Variants in PCDHA13 observed in about 807,000 individuals in gnomAD.
PCDHA13 encodes protocadherin alpha 13.
Under a neutral mutation model 64.8 loss-of-function variants are expected in PCDHA13, and 54 were observed. The ratio of observed to expected loss-of-function variants is 0.83; its 90% CI spans 0.67 to 1.04. PCDHA13 has a LOEUF of 1.04. PCDHA13 is among the 50% of genes least tolerant of loss of function. The pLI, the probability that PCDHA13 is intolerant of heterozygous loss-of-function variation, is 0.00. For synonymous variants in PCDHA13, 587 were observed against 564.4 expected, an observed-to-expected ratio of 1.04 and a Z score of -0.57; for missense variants, 1,248 against 1,254.3, an observed-to-expected ratio of 0.99 and a Z score of 0.08.
At chr5:140,941,409 C>G (rs1284702446) in intron 1 of PCDHA13, among the ~76,000 whole-genome samples, 1 of 149,924 alleles carries the variant, frequency 6.7e-6, no homozygotes, top group Non-Finnish European at 1.5e-5. Flanking sequence ...CTCCGCCTCC[C>G]GGGTTCAAGC....
At chr5:140,991,247 T>C (rs1211585397) in intron 3 of PCDHA13, among the ~76,000 whole-genome samples, 1 of 152,200 alleles carries the variant, frequency 6.6e-6, no homozygotes, top group Non-Finnish European at 1.5e-5. Flanking sequence ...AAAGGCAGTA[T>C]TTGAACTCAT....
At chr5:140,982,688 A>ATACATACATGATTTCCT in intron 3 of PCDHA13, 125 bp downstream of exon 3, 1 of 1,415,764 alleles carries the variant, frequency 7.1e-7, no homozygotes, top group Non-Finnish European at 9.3e-7. Flanking sequence ...CCTTTTTTCC[A>ATACATACATGATTTCCT]TACATACATG....
intron 3 of PCDHA13, among the ~76,000 whole-genome samples, chr5:141,004,659 G>C (rs1012907350): frequency 1.3e-5 from 2 of 152,182 alleles, no homozygotes; most frequent in Admixed American, 1.3e-4. Context: ...GGCTCTGAGG[G>C]CAACTAAAGG....
chr5:140,927,105 CAGCGG>C, intron 1 of PCDHA13: 1 of 1,613,778 alleles, frequency 6.2e-7, no homozygotes, highest in Non-Finnish European at 8.5e-7. Flanking sequence ...TGGATCTACC[CAGCGG>C]CAATTTGGTG....
At chr5:140,915,083 C>G (rs2076973100) in intron 1 of PCDHA13, among the ~76,000 whole-genome samples, 1 of 151,628 alleles carries the variant, frequency 6.6e-6, no homozygotes, top group African/African-American at 2.4e-5. Flanking sequence ...GTAGCTGGGA[C>G]TATGGGCACG....
intron 1 of PCDHA13, among the ~76,000 whole-genome samples, chr5:140,920,841 T>TAAAAAAAAA (rs781921146): frequency 9.2e-6 from 1 of 109,226 alleles, no homozygotes; most frequent in Non-Finnish European, 1.9e-5. Context: ...AGACCAAATC[T>TAAAAAAAAA]AAAAAAAAAA....
intron 1 of PCDHA13, chr5:140,929,130 A>C (rs1554206719): frequency 1.2e-6 from 2 of 1,614,168 alleles, no homozygotes; most frequent in Non-Finnish European, 1.7e-6. Flanking sequence ...ATGTCACTAC[A>C]GTTGAGAGAC....
intron 1 of PCDHA13, among the ~76,000 whole-genome samples, chr5:140,900,355 G>A (rs555553636): frequency 1.4e-4 from 21 of 152,070 alleles, no homozygotes; most frequent in East Asian, 3.9e-4. Flanking sequence ...TTGGCTCACC[G>A]CAACCTCTGC....
At chr5:140,960,265 T>A (rs1380537220) in intron 1 of PCDHA13, among the ~76,000 whole-genome samples, 2 of 152,174 alleles carry the variant, frequency 1.3e-5, no homozygotes, top group African/African-American at 4.8e-5. Context: ...TTCTGATAAA[T>A]TCCGTCACCT....
intron 1 of PCDHA13, among the ~76,000 whole-genome samples, chr5:140,899,914 C>A (rs1408569942): frequency 2.0e-5 from 3 of 151,952 alleles, no homozygotes; most frequent in Admixed American, 6.6e-5. Flanking sequence ...CTCAAGCAAT[C>A]CTCCTGCCTC....
intron 1 of PCDHA13, among the ~76,000 whole-genome samples, chr5:140,898,521 AGGG>A (rs1583310812): frequency 6.6e-6 from 1 of 152,252 alleles, no homozygotes; most frequent in East Asian, 1.9e-4. Context: ...GTTATTTCTG[AGGG>A]CTCTGTTCTG....
intron 3 of PCDHA13, among the ~76,000 whole-genome samples, chr5:141,003,476 C>G (rs555987176): frequency 1.3e-3 from 191 of 152,130 alleles, no homozygotes; most frequent in African/African-American, 4.3e-3. Context: ...CACAGTCTCG[C>G]TAATTTTTAT....
In PCDHA13 at chr5:140,882,887, G is replaced by A. The variant is rs781927732; in HGVS notation, c.619G>A (p.Glu207Lys). 2.7e-5 allele frequency: 43 copies of A among 1,614,050 alleles called. No individual in the cohort carries two copies. Among genetic ancestry groups the A allele is most frequent in the Non-Finnish European group, 3.6e-5 (42 of 1,180,048 alleles). ...RKTLDREEIQ[E>K]HSLLLTASDG... is the part of the protein sequence containing the mutation. ...AACACTGGACAGAGAGGAAATTCAG[G>A]AACATAGTTTATTACTGACAGCCAG... Residue 207 changes from glutamate (E) to lysine (K), a missense_variant, in exon 1 of 4, where the codon GAA (glutamate) becomes AAA (lysine). Physicochemically the swap from Glu to Lys is moderately conservative, Grantham distance 56 (BLOSUM62 1). Transcript: ENST00000289272.
At chr5:140,999,795 T>C (rs1222111677) in intron 3 of PCDHA13, among the ~76,000 whole-genome samples, 3 of 152,224 alleles carry the variant, frequency 2.0e-5, no homozygotes, top group Non-Finnish European at 4.4e-5. Context: ...GGCAGAGTTA[T>C]TTTGGGCACA....
intron 1 of PCDHA13, among the ~76,000 whole-genome samples, chr5:140,904,645 T>A (rs1554191647): frequency 6.6e-6 from 1 of 152,128 alleles, no homozygotes; most frequent in Non-Finnish European, 1.5e-5. Context: ...CTCCACACTG[T>A]TTTCCATAGT....
rs529251467 is a variant in PCDHA13 at position 140,953,424 on chromosome 5, T to C, written c.2395-25525T>C. The stretch of plus-strand genomic sequence containing the variant: ...TGTTGCTCCTGGCTCCTCCCCTTTG[T>C]CCTTAAGCTGGAGAAACTAGGGATT... On this transcript the variant is annotated intron_variant, in intron 1 of 3. Transcript: ENST00000289272. 2.6e-5 allele frequency among the ~76,000 whole-genome samples: 4 copies of C among 152,230 alleles called. No individual in the cohort carries two copies. In the East Asian group the frequency reaches 7.7e-4, roughly 29 times the overall value.
intron 2 of PCDHA13, among the ~76,000 whole-genome samples, chr5:140,979,729 C>CA: frequency 6.6e-6 from 1 of 152,232 alleles, no homozygotes; most frequent in African/African-American, 2.4e-5. Flanking sequence ...GCCATGGGGC[C>CA]AAATAAAAGA....
At chr5:140,933,262 T>G (rs2088985963) in intron 1 of PCDHA13, among the ~76,000 whole-genome samples, 1 of 152,012 alleles carries the variant, frequency 6.6e-6, no homozygotes, top group South Asian at 2.1e-4. Flanking sequence ...AAAAGGTTAT[T>G]ATATATTCAT....
chr5:140,901,857 G>A (rs782415424), intron 1 of PCDHA13, among the ~76,000 whole-genome samples: 4 of 151,902 alleles, frequency 2.6e-5, no homozygotes, highest in African/African-American at 4.8e-5. Flanking sequence ...CCATTTTTTT[G>A]TGTCCTCTTC....
Sources: allele counts gnomAD v4.1 joint callset (sites outside exome capture counted in the v4.1 genomes callset), GRCh38; gene constraint gnomAD v4.1.1; transcripts MANE v1.5; gene names NCBI Gene and HGNC (gene_info 2026-07-23, HGNC 2026-07-21).